Variants in DLG2 observed in about 807,000 individuals in gnomAD.
DLG2 encodes disks large homolog 2.
A neutral mutation model predicts 132.5 loss-of-function variants in DLG2; 45 were observed. The ratio of observed to expected loss-of-function variants is 0.34; its 90% CI spans 0.27 to 0.44. The LOEUF (loss-of-function observed/expected upper bound fraction) is 0.44, where lower values mean the gene tolerates loss of function less well. Among genes scored for constraint, DLG2 ranks in the 20% least tolerant of loss-of-function variants. The probability of loss-of-function intolerance (pLI) is 1.00; values close to 1 mark genes in which losing one functional copy is unlikely to be tolerated. For missense variants in DLG2, 1,045 were observed against 1,196.9 expected, an observed-to-expected ratio of 0.87 and a Z score of 1.87; for synonymous variants, 424 against 419.6, an observed-to-expected ratio of 1.01 and a Z score of -0.13.
chr11:85,098,790 G>A (rs906815590), intron 6 of DLG2, among the ~76,000 whole-genome samples: 2 of 152,060 alleles, frequency 1.3e-5, no homozygotes, highest in Admixed American at 6.6e-5. Flanking sequence ...CAATCCAGAC[G>A]TGAATGCCAT....
chr11:84,318,235 A>G (rs891118472), intron 7 of DLG2, among the ~76,000 whole-genome samples: 6 of 152,234 alleles, frequency 3.9e-5, no homozygotes, highest in South Asian at 2.1e-4. Context: ...AAATTTTAGC[A>G]TGCTTGCTGA....
intron 6 of DLG2, among the ~76,000 whole-genome samples, chr11:84,927,829 C>T (rs1165245888): frequency 6.6e-6 from 1 of 151,942 alleles, no homozygotes; most frequent in Non-Finnish European, 1.5e-5. Flanking sequence ...ACTCAAAGTG[C>T]AGTCTTTGGG....
At chr11:84,186,905 G>C (rs949236389) in intron 8 of DLG2, among the ~76,000 whole-genome samples, 2 of 151,884 alleles carry the variant, frequency 1.3e-5, no homozygotes, top group African/African-American at 4.8e-5. Flanking sequence ...TGGTAGCAAA[G>C]CTGTAAATAT....
intron 4 of DLG2, among the ~76,000 whole-genome samples, chr11:85,206,828 C>T (rs1420656354): frequency 6.6e-6 from 1 of 151,848 alleles, no homozygotes; most frequent in East Asian, 1.9e-4. Context: ...AGCAAAATTC[C>T]TTCTAAAAAT....
At chr11:83,870,690 C>A (rs762903526) in intron 16 of DLG2, among the ~76,000 whole-genome samples, 10 of 151,948 alleles carry the variant, frequency 6.6e-5, no homozygotes, top group African/African-American at 9.7e-5. Context: ...GAAGAAGCTT[C>A]TTTTTTTTGG....
At chr11:84,773,003 T>C (rs928537845) in intron 6 of DLG2, among the ~76,000 whole-genome samples, 3 of 151,956 alleles carry the variant, frequency 2.0e-5, no homozygotes, top group Non-Finnish European at 2.9e-5. Context: ...AAACCAAAAC[T>C]TGGTTATTTG....
chr11:83,693,459 G>C (rs2081336181), intron 18 of DLG2, among the ~76,000 whole-genome samples: 3 of 152,120 alleles, frequency 2.0e-5, no homozygotes, highest in Admixed American at 2.0e-4. Context: ...GTGCATAGCA[G>C]TAGGGTGTGG....
chr11:84,570,025 C>A (rs1258612975), intron 6 of DLG2, among the ~76,000 whole-genome samples: 1 of 151,980 alleles, frequency 6.6e-6, no homozygotes, highest in African/African-American at 2.4e-5. Context: ...TAGCTGGGTG[C>A]AATTCTGAAT....
chr11:83,604,685 C>T (rs981324411), intron 19 of DLG2, among the ~76,000 whole-genome samples: 12 of 152,090 alleles, frequency 7.9e-5, no homozygotes, highest in African/African-American at 1.7e-4. Context: ...GTTCATCAAC[C>T]GTAACACATG....
chr11:83,618,126 C>T (rs2061110222), intron 19 of DLG2, among the ~76,000 whole-genome samples: 1 of 152,076 alleles, frequency 6.6e-6, no homozygotes, highest in Non-Finnish European at 1.5e-5. Flanking sequence ...TTTAGATGAT[C>T]ATCTGAATCT....
At chr11:85,339,411 T>C (rs1286915654) in intron 3 of DLG2, among the ~76,000 whole-genome samples, 1 of 152,210 alleles carries the variant, frequency 6.6e-6, no homozygotes, top group East Asian at 1.9e-4. Flanking sequence ...TAAATGCACC[T>C]GTAATTTTTT....
At chr11:84,667,498 G>GTTTTTTTTTTTTTTTTTTTTT (rs57863742) in intron 6 of DLG2, among the ~76,000 whole-genome samples, 30 of 122,220 alleles carry the variant, frequency 2.5e-4, no homozygotes, top group Non-Finnish European at 3.4e-4. Context: ...TTTGTTTTTT[G>GTTTTTTTTTTTTTTTTTTTTT]TTTTTTTTTT....
At chr11:85,519,552 A>G (rs1011040559) in intron 3 of DLG2, among the ~76,000 whole-genome samples, 4 of 152,052 alleles carry the variant, frequency 2.6e-5, no homozygotes, top group Non-Finnish European at 4.4e-5. Flanking sequence ...GATTTTACAT[A>G]CTCATAGGCA....
At chr11:85,140,896 T>C (rs757787145) in intron 5 of DLG2, among the ~76,000 whole-genome samples, 1 of 151,938 alleles carries the variant, frequency 6.6e-6, no homozygotes, top group Non-Finnish European at 1.5e-5. Context: ...ATCCATGTTG[T>C]TGCAAATGAT....
chr11:84,501,070 CTCAT>C (rs2099203108), intron 7 of DLG2, among the ~76,000 whole-genome samples: 1 of 152,142 alleles, frequency 6.6e-6, no homozygotes, highest in African/African-American at 2.4e-5. Flanking sequence ...TGTTGTTTGA[CTCAT>C]AATAGGTTGT....
intron 8 of DLG2, chr11:84,166,907 A>C (rs1433529978): frequency 1.9e-6 from 1 of 532,944 alleles, no homozygotes; most frequent in Non-Finnish European, 3.8e-6. Context: ...AGTTCGGCCG[A>C]ATACATTTTT....
At chr11:84,842,140 A>T (rs994723657) in intron 6 of DLG2, among the ~76,000 whole-genome samples, 1 of 152,008 alleles carries the variant, frequency 6.6e-6, no homozygotes, top group Non-Finnish European at 1.5e-5. Context: ...CCAGTCTCAG[A>T]ATCATGAGAT....
At chr11:83,889,876 C>T (rs180981501) in intron 15 of DLG2, among the ~76,000 whole-genome samples, 24 of 146,976 alleles carry the variant, frequency 1.6e-4, no homozygotes, top group Admixed American at 1.1e-3. Context: ...AACCAAATAC[C>T]GCATATTCTC....
At chr11:84,986,944 T>C (rs559834131) in intron 6 of DLG2, among the ~76,000 whole-genome samples, 10 of 152,282 alleles carry the variant, frequency 6.6e-5, no homozygotes, top group African/African-American at 2.2e-4. Flanking sequence ...ATACAGAGCA[T>C]CCAAATTAGT....
Sources: allele counts gnomAD v4.1 joint callset (sites outside exome capture counted in the v4.1 genomes callset), GRCh38; gene constraint gnomAD v4.1.1; transcripts MANE v1.5; gene names NCBI Gene and HGNC (gene_info 2026-07-23, HGNC 2026-07-21).